The following CHRM3 variants were observed in gnomAD, a reference collection of about 807,000 sequenced individuals.
CHRM3 encodes muscarinic acetylcholine receptor M3.
Under a neutral mutation model 41.8 loss-of-function variants are expected in CHRM3, and 11 were observed. The observed-to-expected ratio is 0.26, with a 90% confidence interval of 0.17 to 0.44. The LOEUF is 0.44. CHRM3 is among the 20% of genes least tolerant of loss of function. The probability of loss-of-function intolerance (pLI) is 1.00; values close to 1 mark genes in which losing one functional copy is unlikely to be tolerated. For synonymous variants in CHRM3, 297 were observed against 301.4 expected (o/e 0.99, Z 0.15); for missense variants, 571 against 745.4 (o/e 0.77, Z 2.72).
At chr1:239,393,386 G>A (rs1004130092) in intron 1 of CHRM3, among the ~76,000 whole-genome samples, 3 of 152,090 alleles carry the variant, frequency 2.0e-5, no homozygotes, top group Non-Finnish European at 2.9e-5. Flanking sequence ...TCTCTCAAAC[G>A]ATTTACATTG....
At chr1:239,668,026 G>A (rs192017438) in intron 4 of CHRM3, among the ~76,000 whole-genome samples, 1 of 145,534 alleles carries the variant, frequency 6.9e-6, no homozygotes, top group Non-Finnish European at 1.5e-5. Flanking sequence ...CTACTTAAAA[G>A]TGTTCTCTTT....
chr1:239,794,272 G>GT (rs926494301), intron 5 of CHRM3, among the ~76,000 whole-genome samples: 1 of 151,942 alleles, frequency 6.6e-6, no homozygotes, highest in African/African-American at 2.4e-5. Context: ...ATGAGATGTG[G>GT]TTTTTTCTAA....
chr1:239,777,460 C>T (rs146769524), intron 5 of CHRM3, among the ~76,000 whole-genome samples: 44 of 152,236 alleles, frequency 2.9e-4, no homozygotes, highest in Non-Finnish European at 6.2e-4. Flanking sequence ...GTTCTGGAAG[C>T]TGTGCTATTT....
chr1:239,885,674 C>T (rs1678008350), intron 6 of CHRM3, among the ~76,000 whole-genome samples: 2 of 152,196 alleles, frequency 1.3e-5, no homozygotes, highest in African/African-American at 4.8e-5. Flanking sequence ...CACAGGCACA[C>T]CTGCTCAGTG....
intron 6 of CHRM3, among the ~76,000 whole-genome samples, chr1:239,869,812 G>A (rs1474533278): frequency 6.6e-6 from 1 of 152,142 alleles, no homozygotes; most frequent in African/African-American, 2.4e-5. Context: ...GTTCTTCGTG[G>A]GTGTTTGGTA....
At chr1:239,603,699 C>T (rs887187177) in intron 3 of CHRM3, among the ~76,000 whole-genome samples, 1 of 151,970 alleles carries the variant, frequency 6.6e-6, no homozygotes, top group Non-Finnish European at 1.5e-5. Flanking sequence ...ATATGATTCG[C>T]TCACAGGGTA....
intron 2 of CHRM3, among the ~76,000 whole-genome samples, chr1:239,525,823 C>T (rs1417456989): frequency 6.6e-6 from 1 of 152,194 alleles, no homozygotes; most frequent in Non-Finnish European, 1.5e-5. Flanking sequence ...TAAATGCTTT[C>T]CACAGCCTGT....
chr1:239,580,704 T>TATATATATACAC lies in CHRM3; in HGVS notation c.-313+34956_-313+34957insTATATATACACA, dbSNP rs570878631. On this transcript the variant is annotated intron_variant, in intron 3 of 6. Coordinates refer to ENST00000676153, the MANE Select transcript of CHRM3 (RefSeq NM_001375978.1). ...TTGCCCAATTTTATATATATATATA[T>TATATATATACAC]ACACACACACACACACACACACACA... Among the ~76,000 whole-genome samples, 5 of 131,086 alleles carry TATATATATACAC rather than the reference T, an allele frequency of 3.8e-5. 1 individual carries two copies. Among genetic ancestry groups the TATATATATACAC allele is most frequent in the African/African-American group, 1.4e-4 (5 of 34,934 alleles). The allele number at this position is 131,086 out of a possible 152,430, so 86.0% of individuals were successfully genotyped here. A position where few individuals can be genotyped will look rare whatever the true frequency, so the allele number is the denominator to read the frequency against.
chr1:239,430,759 C>G (rs1044310595), intron 1 of CHRM3, among the ~76,000 whole-genome samples: 2 of 150,076 alleles, frequency 1.3e-5, no homozygotes, highest in African/African-American at 4.9e-5. Flanking sequence ...TATCAAGAGT[C>G]TGATTAGAGT....
At chr1:239,689,287 C>A (rs1190583416) in intron 5 of CHRM3, among the ~76,000 whole-genome samples, 4 of 151,520 alleles carry the variant, frequency 2.6e-5, no homozygotes, top group African/African-American at 9.7e-5. Context: ...GAGAAGGATT[C>A]TATATTGAAA....
chr1:239,893,734 A>T (rs898503772), intron 6 of CHRM3, among the ~76,000 whole-genome samples: 33 of 1,492 alleles, frequency 0.022, no homozygotes, highest in African/African-American at 0.024. Flanking sequence ...TTGAAATCAT[A>T]AAAAAAAAAA....
chr1:239,662,878 C>T (rs1483607871), intron 4 of CHRM3, among the ~76,000 whole-genome samples: 1 of 27,702 alleles, frequency 3.6e-5, no homozygotes, highest in Non-Finnish European at 7.2e-5. Flanking sequence ...TCTCCTCTTT[C>T]TCCTCTTCCT....
chr1:239,557,925 A>G (rs1336131168), intron 3 of CHRM3, among the ~76,000 whole-genome samples: 1 of 152,122 alleles, frequency 6.6e-6, no homozygotes, highest in Non-Finnish European at 1.5e-5. Context: ...TGCTATTGTG[A>G]ATAGTGCTGC....
At chr1:239,627,355 G>T (rs1341743608) in intron 3 of CHRM3, among the ~76,000 whole-genome samples, 10 of 123,812 alleles carry the variant, frequency 8.1e-5, no homozygotes, top group African/African-American at 3.2e-4. Flanking sequence ...CATTTGCTTG[G>T]TAGATCTTCC....
At chr1:239,785,795 A>G (rs577986341) in intron 5 of CHRM3, among the ~76,000 whole-genome samples, 5 of 152,274 alleles carry the variant, frequency 3.3e-5, no homozygotes, top group Non-Finnish European at 5.9e-5. Context: ...TGCCACTAAT[A>G]GACTTTGGTT....
At chr1:239,417,998 C>T (rs12137225) in intron 1 of CHRM3, among the ~76,000 whole-genome samples, 44,436 of 152,078 alleles carry the variant, frequency 0.29, 6,687 homozygotes, top group Non-Finnish European at 0.31. Context: ...AGTTTCAGAT[C>T]GCTTAGACTG....
intron 2 of CHRM3, among the ~76,000 whole-genome samples, chr1:239,518,285 G>A (rs1254417821): frequency 6.6e-6 from 1 of 152,194 alleles, no homozygotes; most frequent in African/African-American, 2.4e-5. Flanking sequence ...TGTAATGGAA[G>A]CCTTTCACCT....
In CHRM3 at chr1:239,404,719, A is replaced by AATATATATAAT. The variant is rs1327703878; in HGVS notation, c.-521+17501_-521+17502insATATATATATA. Among the ~76,000 whole-genome samples the AATATATATAAT allele has an allele frequency of 2.3e-3, 224 of 97,348 alleles. 4 individuals carry two copies. The East Asian group carries it at 0.039, about 17-fold the overall frequency. The allele number at this position is 97,348 out of a possible 152,430, so 63.9% of individuals were successfully genotyped here. Reference sequence around the variant, plus strand: ...CATTAAATGTATCATGCTATATCTAAATATATATATATATATATATATATA... The same window carrying AATATATATAAT: ...CATTAAATGTATCATGCTATATCTAAATATATATAATATATATATATATATATATATATATA... On this transcript the variant is annotated intron_variant, in intron 1 of 6. Transcript: ENST00000676153.
intron 6 of CHRM3, chr1:239,885,975 A>G (rs762433799): frequency 7.2e-5 from 11 of 152,154 alleles, no homozygotes; most frequent in Non-Finnish European, 1.6e-4. Flanking sequence ...AGCTATTTCT[A>G]AGTGTTGGTG....
Sources: gnomAD v4.1 joint callset for allele counts (sites outside exome capture counted in the v4.1 genomes callset) on GRCh38, gnomAD v4.1.1 for gene constraint, MANE v1.5 for transcripts, NCBI Gene and HGNC (gene_info 2026-07-23, HGNC 2026-07-21) for gene names.